The following KIF26B variants were observed in gnomAD, a reference collection of about 807,000 sequenced individuals.
KIF26B encodes the protein kinesin-like protein KIF26B.
KIF26B carries 63 observed loss-of-function variants against 151.2 expected under a neutral mutation model. The ratio of observed to expected loss-of-function variants is 0.42; its 90% confidence interval spans 0.34 to 0.51. KIF26B has a LOEUF of 0.51. Among genes scored for constraint, KIF26B ranks in the 20% least tolerant of loss-of-function variants. The pLI is 0.07. For synonymous variants in KIF26B, 1,357 were observed against 1,262.1 expected, an observed-to-expected ratio of 1.08 and a Z score of -1.59; for missense variants, 2,813 against 2,913.6, an observed-to-expected ratio of 0.97 and a Z score of 0.79.
intron 8 of KIF26B, among the ~76,000 whole-genome samples, chr1:245,611,312 C>T (rs1025726074): frequency 6.6e-6 from 1 of 152,112 alleles, no homozygotes; most frequent in Non-Finnish European, 1.5e-5. Flanking sequence ...GAAAGCTAAC[C>T]AAGTTTTTTT....
chr1:245,643,372 T>G (rs1187283502), intron 9 of KIF26B, among the ~76,000 whole-genome samples: 1 of 152,180 alleles, frequency 6.6e-6, no homozygotes, highest in African/African-American at 2.4e-5. Context: ...TAGCTATTAC[T>G]TTTATTGTTT....
intron 2 of KIF26B, among the ~76,000 whole-genome samples, chr1:245,353,394 A>G (rs1392503765): frequency 6.6e-6 from 1 of 152,224 alleles, no homozygotes; most frequent in Non-Finnish European, 1.5e-5. Context: ...TTCTCTGAGA[A>G]GCCAGTAAAG....
At chr1:245,155,545 C>A in intron 1 of KIF26B, 58 bp downstream of exon 1, 1 of 1,437,524 alleles carries the variant, frequency 7.0e-7, no homozygotes, top group South Asian at 1.2e-5. Context: ...GGCGGAGGTC[C>A]CCCTTTCCCC....
At chr1:245,689,243 A>C (rs1052304243) in intron 12 of KIF26B, among the ~76,000 whole-genome samples, 2 of 152,138 alleles carry the variant, frequency 1.3e-5, no homozygotes, top group South Asian at 4.1e-4. Context: ...CCTCTGTTCA[A>C]CAACCAAGGA....
chr1:245,688,192 A>C lies in KIF26B; in HGVS notation c.5209A>C (p.Arg1737=). ...AGQSKISAVS[R]LLLASPRARG... ...CCAGTCCAAGATCTCCGCCGTGAGC[A>C]GACTCCTCCTGGCCAGCCCCAGAGC... is the stretch of plus-strand genomic sequence containing the variant. Residue 1737 remains arginine, a synonymous_variant, in exon 12 of 15, where the codon AGA becomes CGA. Transcript: ENST00000407071. The C allele has an allele frequency of 6.3e-7, 1 of 1,596,984 alleles. No homozygotes were observed. Among genetic ancestry groups the C allele is most frequent in the Non-Finnish European group, 8.5e-7 (1 of 1,178,002 alleles).
intron 2 of KIF26B, among the ~76,000 whole-genome samples, chr1:245,253,867 T>G (rs1314337689): frequency 7.3e-6 from 1 of 136,794 alleles, no homozygotes; most frequent in South Asian, 2.4e-4. Flanking sequence ...TGGAGTGCAG[T>G]GGCGCGATCC....
chr1:245,618,416 C>T lies in KIF26B; in HGVS notation c.2098+6440C>T, dbSNP rs193272022. 8.2e-4 allele frequency among the ~76,000 whole-genome samples: 123 copies of T among 149,714 alleles called. 1 individual carries two copies. Among genetic ancestry groups the T allele is most frequent in the African/African-American group, 3.0e-3 (120 of 40,400 alleles). ...CACCGTCCTGGGGCTATGTCCGCAG[C>T]GTCAGTATCCAAGGCCTATTAGACT... is the stretch of plus-strand genomic sequence containing the variant. On this transcript the variant is annotated intron_variant, in intron 9 of 14. Coordinates refer to ENST00000407071, the MANE Select transcript of KIF26B (RefSeq NM_018012.4).
At chr1:245,376,240 T>C (rs983848702) in intron 3 of KIF26B, among the ~76,000 whole-genome samples, 3 of 152,226 alleles carry the variant, frequency 2.0e-5, no homozygotes, top group East Asian at 1.9e-4. Flanking sequence ...ATCTTCATAA[T>C]GCATGCACTT....
intron 2 of KIF26B, among the ~76,000 whole-genome samples, chr1:245,162,706 G>T (rs1668553095): frequency 6.6e-6 from 1 of 152,164 alleles, no homozygotes; most frequent in Non-Finnish European, 1.5e-5. Flanking sequence ...GATGCAAAAG[G>T]ACTGGGGATA....
chr1:245,623,160 CTCAA>C (rs1417157037), intron 9 of KIF26B, among the ~76,000 whole-genome samples: 3 of 150,910 alleles, frequency 2.0e-5, no homozygotes, highest in Non-Finnish European at 4.4e-5. Context: ...TGAAACCGTC[CTCAA>C]TCAAGATAAT....
rs752143373 is a variant in KIF26B, at chr1:245,611,901, G to C, written c.2023G>C (p.Asp675His). The C allele has an allele frequency of 6.7e-5, 108 of 1,613,638 alleles. No homozygotes were observed. The highest frequency in any genetic ancestry group is 8.9e-5 in the Non-Finnish European group (105 of 1,179,882). ...RSHQQDCDEDDHRNSHVFFTL... is the reference protein window; with the variant it reads ...RSHQQDCDEDHHRNSHVFFTL... Reference sequence around the variant, plus strand: ...CCACCAACAGGACTGTGATGAGGACGACCACCGCAACTCACACGTGTTCTT... The same window carrying C: ...CCACCAACAGGACTGTGATGAGGACCACCACCGCAACTCACACGTGTTCTT... Residue 675 changes from aspartate (D) to histidine (H), a missense_variant, in exon 9 of 15, where the codon GAC becomes CAC. Physicochemically the swap from Asp to His is moderately conservative, Grantham distance 81 (BLOSUM62 -1). This residue lies in a region of KIF26B where 2,060 missense variants were observed against 2,088.6 expected (regional missense o/e 0.99). Coordinates refer to ENST00000407071, the MANE Select transcript of KIF26B (RefSeq NM_018012.4).
At chr1:245,547,047 C>G (rs752076450) in intron 5 of KIF26B, among the ~76,000 whole-genome samples, 5 of 152,200 alleles carry the variant, frequency 3.3e-5, no homozygotes, top group Non-Finnish European at 7.3e-5. Flanking sequence ...CTCTGGACAG[C>G]ACATGCGCAG....
At chr1:245,338,302 T>C (rs1007866597) in intron 2 of KIF26B, among the ~76,000 whole-genome samples, 1 of 152,228 alleles carries the variant, frequency 6.6e-6, no homozygotes, top group Non-Finnish European at 1.5e-5. Flanking sequence ...AGCCTGCTGC[T>C]TGTTTTTGTA....
intron 2 of KIF26B, among the ~76,000 whole-genome samples, chr1:245,237,989 G>T (rs1446909586): frequency 1.3e-5 from 2 of 149,856 alleles, no homozygotes. Context: ...TTGCACTACT[G>T]CACTCCAACC....
chr1:245,681,272 C>G (rs188137524), intron 10 of KIF26B, among the ~76,000 whole-genome samples: 4 of 150,322 alleles, frequency 2.7e-5, no homozygotes, highest in African/African-American at 7.3e-5. Context: ...TGCAGTGGCG[C>G]GATCACGGCT....
intron 5 of KIF26B, among the ~76,000 whole-genome samples, chr1:245,577,429 G>C (rs995355731): frequency 6.6e-5 from 10 of 152,218 alleles, no homozygotes; most frequent in African/African-American, 2.4e-4. Flanking sequence ...AACCCACACA[G>C]AGCTCAGAGA....
At chr1:245,527,303 C>T (rs182753323) in intron 4 of KIF26B, among the ~76,000 whole-genome samples, 49 of 152,178 alleles carry the variant, frequency 3.2e-4, no homozygotes, top group African/African-American at 1.1e-3. Context: ...TGCTTCTCAG[C>T]CGAAAAATCA....
At chr1:245,419,888 G>C in intron 4 of KIF26B, 143 bp downstream of exon 4, 1 of 817,558 alleles carries the variant, frequency 1.2e-6, no homozygotes, top group Non-Finnish European at 2.0e-6. Context: ...TCTCAGCCAT[G>C]GCACTGTGAC....
intron 2 of KIF26B, among the ~76,000 whole-genome samples, chr1:245,322,015 T>C (rs184803917): frequency 1.4e-3 from 213 of 152,270 alleles, no homozygotes; most frequent in African/African-American, 5.0e-3. Flanking sequence ...ATGTGGCACA[T>C]ATACACCATG....
Sources: allele counts gnomAD v4.1 joint callset (sites outside exome capture counted in the v4.1 genomes callset), GRCh38; gene constraint gnomAD v4.1.1; regional missense constraint gnomAD v4.1.1; transcripts MANE v1.5; gene names NCBI Gene and HGNC (gene_info 2026-07-23, HGNC 2026-07-21).